ADAMTSL1: variants seen among roughly 807,000 people sequenced by gnomAD.
ADAMTSL1 encodes the protein ADAMTS like 1.
ADAMTSL1 carries 126 observed loss-of-function variants against 201.8 expected under a neutral mutation model. That is an observed-to-expected ratio of 0.62 (90% CI 0.54 to 0.72). The LOEUF is 0.72. Ranked by LOEUF, ADAMTSL1 falls within the 30% of genes least tolerant of loss-of-function variation. ADAMTSL1 has a pLI of 0.00. For missense variants in ADAMTSL1, 2,679 were observed against 2,277.8 expected (o/e 1.18, Z -3.59); for synonymous variants, 1,121 against 903.4 (o/e 1.24, Z -4.32).
chr9:18,075,943 A>G (rs1198607138), intron 1 of ADAMTSL1, among the ~76,000 whole-genome samples: 4 of 152,262 alleles, frequency 2.6e-5, no homozygotes, highest in Non-Finnish European at 5.9e-5. Flanking sequence ...CAGAGGAAGT[A>G]GTGTAGTGTC....
At chr9:18,181,831 T>G (rs530564509) in intron 2 of ADAMTSL1, among the ~76,000 whole-genome samples, 47 of 152,150 alleles carry the variant, frequency 3.1e-4, no homozygotes, top group African/African-American at 7.2e-4. Context: ...TAAAGACACA[T>G]GCACACGTAT....
Position 18,829,825 on chromosome 9 carries a change from C to T in ADAMTSL1, c.4115-18C>T. On this transcript the variant is annotated intron_variant, in intron 22 of 28. Transcript: ENST00000380548. ...CCTGTGCTTTAACCTGCCTGATCCA[C>T]CCTCTGCCTTCTCACAGATCCCCCC... The T allele has an allele frequency of 6.2e-7, 1 of 1,613,826 alleles. No homozygotes were observed. The highest frequency in any genetic ancestry group is 1.7e-5 in the Admixed American group (1 of 60,012).
In ADAMTSL1 at chr9:18,001,604, G is replaced by A. The variant is rs141687489; in HGVS notation, c.87+94682G>A. ...TCTCCAAGAAGTTGAAATCTAAGAA[G>A]AAATTGTCTGTGTTAGGGAGAATGG... is the stretch of plus-strand genomic sequence containing the variant. On this transcript the variant is annotated intron_variant, in intron 1 of 29. Coordinates refer to the ADAMTSL1 transcript ENST00000680146. Among the ~76,000 whole-genome samples, 43 of 152,208 alleles carry A rather than the reference G, an allele frequency of 2.8e-4. 1 individual carries two copies. Among genetic ancestry groups the A allele is most frequent in the African/African-American group, 9.9e-4 (41 of 41,558 alleles).
At chr9:17,915,708 T>C (rs1202022950) in intron 1 of ADAMTSL1, among the ~76,000 whole-genome samples, 1 of 152,224 alleles carries the variant, frequency 6.6e-6, no homozygotes, top group African/African-American at 2.4e-5. Flanking sequence ...TCCTTGCCAA[T>C]ACCTGGTGTG....
intron 2 of ADAMTSL1, among the ~76,000 whole-genome samples, chr9:18,429,352 A>C (rs1304390032): frequency 6.6e-6 from 1 of 152,122 alleles, no homozygotes; most frequent in South Asian, 2.1e-4. Flanking sequence ...GGTTAAGGGG[A>C]AAAAAAGAGA....
chr9:18,080,013 G>A (rs1405355594), intron 1 of ADAMTSL1, among the ~76,000 whole-genome samples: 1 of 152,180 alleles, frequency 6.6e-6, no homozygotes. Context: ...AGGAAATGGT[G>A]GTTAGACTAG....
intron 2 of ADAMTSL1, among the ~76,000 whole-genome samples, chr9:18,194,206 T>TG (rs911039659): frequency 5.9e-5 from 9 of 151,990 alleles, no homozygotes; most frequent in Non-Finnish European, 5.9e-5. Context: ...CCTTTGACCG[T>TG]GGGGGGAGAA....
At chr9:18,182,757 A>T (rs553682863) in intron 2 of ADAMTSL1, among the ~76,000 whole-genome samples, 1 of 152,224 alleles carries the variant, frequency 6.6e-6, no homozygotes, top group African/African-American at 2.4e-5. Flanking sequence ...TGAGGCACGG[A>T]GTGATTAACC....
chr9:18,384,989 C>T (rs1587035118), intron 2 of ADAMTSL1, among the ~76,000 whole-genome samples: 1 of 152,146 alleles, frequency 6.6e-6, no homozygotes, highest in African/African-American at 2.4e-5. Flanking sequence ...ATTTTGTGTC[C>T]ACTCAGTAAT....
intron 1 of ADAMTSL1, among the ~76,000 whole-genome samples, chr9:18,116,036 G>C (rs548619097): frequency 6.6e-6 from 1 of 152,280 alleles, no homozygotes; most frequent in African/African-American, 2.4e-5. Flanking sequence ...CATGTACCAT[G>C]TCATGCCAGC....
At chr9:18,650,579 G>A (rs1480766796) in intron 7 of ADAMTSL1, among the ~76,000 whole-genome samples, 1 of 152,084 alleles carries the variant, frequency 6.6e-6, no homozygotes, top group East Asian at 1.9e-4. Context: ...TATCATTTTT[G>A]TTTCTTTAAA....
chr9:18,718,431 C>G, intron 14 of ADAMTSL1: 1 of 642,786 alleles, frequency 1.6e-6, no homozygotes. Flanking sequence ...TATCATAGGA[C>G]ATATTTTTCA....
chr9:18,417,367 G>GAAAAAAAAAAAAAAGAA (rs1818727144), intron 2 of ADAMTSL1, among the ~76,000 whole-genome samples: 1 of 64,692 alleles, frequency 1.5e-5, no homozygotes, highest in Non-Finnish European at 3.2e-5. Context: ...AAGTAAGCAG[G>GAAAAAAAAAAAAAAGAA]AAAAAAAAAA....
intron 26 of ADAMTSL1, among the ~76,000 whole-genome samples, chr9:18,901,910 G>A (rs1563904870): frequency 6.6e-6 from 1 of 152,116 alleles, no homozygotes; most frequent in Non-Finnish European, 1.5e-5. Context: ...GCTGTCTACA[G>A]AATACTTGCT....
At chr9:18,345,522 G>T (rs1835676231) in intron 2 of ADAMTSL1, among the ~76,000 whole-genome samples, 2 of 152,098 alleles carry the variant, frequency 1.3e-5, no homozygotes, top group Non-Finnish European at 1.5e-5. Context: ...CAGTGATCGA[G>T]AATTACTATA....
intron 1 of ADAMTSL1, among the ~76,000 whole-genome samples, chr9:18,058,504 C>A (rs1213510178): frequency 6.6e-6 from 1 of 151,916 alleles, no homozygotes; most frequent in Non-Finnish European, 1.5e-5. Context: ...TATCATGCAC[C>A]AATGTCATAA....
chr9:18,889,576 T>C lies in ADAMTSL1; in HGVS notation c.4471T>C (p.Trp1491Arg), dbSNP rs367776931. 1.2e-6 allele frequency: 2 copies of C among 1,613,632 alleles called. No homozygotes were observed. The highest frequency in any genetic ancestry group is 2.7e-5 in the African/African-American group (2 of 74,922). The change falls in exon 25 of 29, where the codon TGG (tryptophan) becomes CGG (arginine). Residue 1491 changes from tryptophan (W) to arginine (R), a missense_variant. Trp to Arg is a moderately radical substitution (Grantham distance 101). Coordinates refer to ENST00000380548, the MANE Select transcript of ADAMTSL1 (RefSeq NM_001040272.6). ...KASLVIQDYW[W>R]SVDRLATCSA... ...TCCTCCTCCCATGACAGATTACTGG[T>C]GGTCTGTGGACAGACTGGCAACCTG...
At chr9:18,371,197 C>T (rs1256567079) in intron 2 of ADAMTSL1, among the ~76,000 whole-genome samples, 1 of 151,948 alleles carries the variant, frequency 6.6e-6, no homozygotes, top group Non-Finnish European at 1.5e-5. Flanking sequence ...TTTTTTGAGC[C>T]ATATGTGTGT....
At chr9:18,332,095 A>G (rs1835052541) in intron 2 of ADAMTSL1, among the ~76,000 whole-genome samples, 1 of 152,164 alleles carries the variant, frequency 6.6e-6, no homozygotes, top group Non-Finnish European at 1.5e-5. Context: ...GCTGTAGTAA[A>G]TTCAGGAGCT....
Sources: allele counts gnomAD v4.1 joint callset (sites outside exome capture counted in the v4.1 genomes callset), GRCh38; gene constraint gnomAD v4.1.1; transcripts MANE v1.5; gene names NCBI Gene and HGNC (gene_info 2026-07-23, HGNC 2026-07-21).